The following DRC8 variants were observed in gnomAD, a reference collection of about 807,000 sequenced individuals.
The protein encoded by DRC8 is dynein regulatory complex protein 8.
At chr1:245,123,828 C>T in the DRC8 span, 1,413 of 155,090 alleles carry the variant, frequency 9.1e-3, 20 homozygotes, top group African/African-American at 0.032. The surrounding 1 kb of genome is among the most constrained non-coding windows in gnomAD (Gnocchi z 5.0). Flanking sequence ...GGATTAACTT[C>T]TCCTGAGGTG....
the DRC8 span, among the ~76,000 whole-genome samples, chr1:245,067,524 A>T: frequency 7.9e-5 from 12 of 152,190 alleles, no homozygotes; most frequent in African/African-American, 2.9e-4. Flanking sequence ...TACACTTTTC[A>T]TCTTGGATGG....
chr1:245,015,332 T>C, the DRC8 span, among the ~76,000 whole-genome samples: 1 of 152,194 alleles, frequency 6.6e-6, no homozygotes, highest in Non-Finnish European at 1.5e-5. Flanking sequence ...GCCAAACACC[T>C]TGGAGTTGGC....
the DRC8 span, among the ~76,000 whole-genome samples, chr1:245,046,419 A>G: frequency 6.6e-6 from 1 of 152,038 alleles, no homozygotes; most frequent in Admixed American, 6.6e-5. Context: ...GCTCACCTTT[A>G]GGATCCTCAC....
At chr1:245,111,636 A>G in the DRC8 span, among the ~76,000 whole-genome samples, 10 of 152,078 alleles carry the variant, frequency 6.6e-5, no homozygotes, top group African/African-American at 1.2e-4. Flanking sequence ...TGACCTTGAA[A>G]TTTCTTTTGT....
At chr1:245,024,315 C>T in the DRC8 span, among the ~76,000 whole-genome samples, 1 of 152,036 alleles carries the variant, frequency 6.6e-6, no homozygotes, top group Non-Finnish European at 1.5e-5. Flanking sequence ...TGCATATCAT[C>T]TCACAAAAGT....
the DRC8 span, among the ~76,000 whole-genome samples, chr1:245,076,142 G>T: frequency 6.6e-6 from 1 of 152,194 alleles, no homozygotes; most frequent in African/African-American, 2.4e-5. Context: ...ACTGTGGGTC[G>T]GGGAGGATGT....
the DRC8 span, among the ~76,000 whole-genome samples, chr1:244,980,638 T>C: frequency 1.9e-4 from 29 of 152,288 alleles, no homozygotes; most frequent in South Asian, 6.2e-4. Flanking sequence ...CGGTTTCTGA[T>C]TGGGTAACAA....
chr1:245,034,017 G>C, the DRC8 span, among the ~76,000 whole-genome samples: 1 of 151,842 alleles, frequency 6.6e-6, no homozygotes, highest in South Asian at 2.1e-4. Flanking sequence ...CACCACAGCC[G>C]GCATCTTTTG....
At chr1:244,989,188 C>T in the DRC8 span, among the ~76,000 whole-genome samples, 5 of 152,144 alleles carry the variant, frequency 3.3e-5, no homozygotes, top group East Asian at 1.9e-4. Flanking sequence ...CTTGGCCTCC[C>T]GAAGTGTTGG....
At chr1:245,105,511 CAG>C in the DRC8 span, among the ~76,000 whole-genome samples, 1 of 149,670 alleles carries the variant, frequency 6.7e-6, no homozygotes, top group Admixed American at 6.7e-5. Context: ...CCCAGCTACT[CAG>C]GGGGCTCAGG....
At chr1:245,013,876 C>T in the DRC8 span, among the ~76,000 whole-genome samples, 681 of 151,580 alleles carry the variant, frequency 4.5e-3, 9 homozygotes, top group African/African-American at 0.015. Flanking sequence ...ACTAAAAATA[C>T]GAAAGTGAGC....
chr1:244,994,237 C>G, the DRC8 span, among the ~76,000 whole-genome samples: 7 of 152,086 alleles, frequency 4.6e-5, no homozygotes, highest in South Asian at 2.1e-4. Context: ...GAACGTTTTT[C>G]CTTTTGTAAT....
chr1:245,111,504 G>A, the DRC8 span, among the ~76,000 whole-genome samples: 2 of 152,222 alleles, frequency 1.3e-5, no homozygotes, highest in Middle Eastern at 3.2e-3. Flanking sequence ...TGAAGGTGAC[G>A]TGAATGTCTT....
At chr1:245,076,934 C>A in the DRC8 span, among the ~76,000 whole-genome samples, 1 of 152,024 alleles carries the variant, frequency 6.6e-6, no homozygotes, top group African/African-American at 2.4e-5. Context: ...GCCGTGTTGG[C>A]CAGGATGGTC....
At chr1:245,063,144 C>T in the DRC8 span, among the ~76,000 whole-genome samples, 1 of 152,108 alleles carries the variant, frequency 6.6e-6, no homozygotes, top group African/African-American at 2.4e-5. Context: ...TCTGCCCTCC[C>T]ACTTCCGTCA....
At chr1:245,023,496 A>G in the DRC8 span, among the ~76,000 whole-genome samples, 1 of 152,332 alleles carries the variant, frequency 6.6e-6, no homozygotes, top group African/African-American at 2.4e-5. Context: ...CCCACCAGCA[A>G]TGCCCAGAGA....
At chr1:245,054,394 T>G in the DRC8 span, among the ~76,000 whole-genome samples, 5 of 152,276 alleles carry the variant, frequency 3.3e-5, no homozygotes, top group East Asian at 9.7e-4. Flanking sequence ...CACTGCAATC[T>G]AATTTCTCCT....
At chr1:245,040,820 T>C in the DRC8 span, among the ~76,000 whole-genome samples, 1 of 152,204 alleles carries the variant, frequency 6.6e-6, no homozygotes, top group African/African-American at 2.4e-5. Flanking sequence ...AAATATTTGA[T>C]TTCTTATTAA....
At chr1:245,033,853 C>G in the DRC8 span, among the ~76,000 whole-genome samples, 1 of 152,072 alleles carries the variant, frequency 6.6e-6, no homozygotes, top group Non-Finnish European at 1.5e-5. Flanking sequence ...TCCCAAGTAG[C>G]TGGAATTACA....
Sources: gnomAD v4.1 joint callset for allele counts (sites outside exome capture counted in the v4.1 genomes callset) on GRCh38, gnomAD v4.1.1 for gene constraint, Gnocchi (gnomAD v3.1) non-coding constraint, MANE v1.5 for transcripts, NCBI Gene and HGNC (gene_info 2026-07-23, HGNC 2026-07-21) for gene names.